Variants in RBFOX1 observed in about 807,000 individuals in gnomAD.
RBFOX1 encodes RNA binding protein fox-1 homolog 1.
RBFOX1 carries 8 observed loss-of-function variants against 57.7 expected under a neutral mutation model. The observed-to-expected ratio is 0.14, with a 90% CI of 0.08 to 0.25. RBFOX1 has a LOEUF of 0.25. Among genes scored for constraint, RBFOX1 ranks in the 10% least tolerant of loss-of-function variants. RBFOX1 has a pLI of 1.00. For synonymous variants in RBFOX1, 326 were observed against 222.4 expected, an observed-to-expected ratio of 1.47 and a Z score of -4.15; for missense variants, 611 against 548.5, an observed-to-expected ratio of 1.11 and a Z score of -1.14.
At chr16:7,231,125 C>A (rs980514704) in intron 4 of RBFOX1, among the ~76,000 whole-genome samples, 1 of 152,162 alleles carries the variant, frequency 6.6e-6, no homozygotes, top group African/African-American at 2.4e-5. Flanking sequence ...TTGTTTGGAT[C>A]AGATAGGTTT....
chr16:6,067,533 G>C (rs2095783224), intron 1 of RBFOX1, among the ~76,000 whole-genome samples: 1 of 152,142 alleles, frequency 6.6e-6, no homozygotes, highest in Non-Finnish European at 1.5e-5. Flanking sequence ...CTTAATATTA[G>C]GTAGAATATC....
chr16:6,674,040 A>G (rs1222998127), intron 3 of RBFOX1, among the ~76,000 whole-genome samples: 1 of 152,164 alleles, frequency 6.6e-6, no homozygotes, highest in Non-Finnish European at 1.5e-5. Flanking sequence ...ATCCTATTTT[A>G]GGATTACCCT....
At chr16:6,736,999 A>G (rs1157373039) in intron 3 of RBFOX1, among the ~76,000 whole-genome samples, 1 of 152,142 alleles carries the variant, frequency 6.6e-6, no homozygotes, top group Non-Finnish European at 1.5e-5. Flanking sequence ...TATCCCTGAC[A>G]CGGGAACCGT....
At chr16:5,452,671 TCTCA>T (rs2068463913) in intron 1 of RBFOX1, among the ~76,000 whole-genome samples, 1 of 150,634 alleles carries the variant, frequency 6.6e-6, no homozygotes, top group African/African-American at 2.4e-5. Context: ...TGAGACAGAG[TCTCA>T]CTCTGTCACC....
chr16:6,682,599 A>G (rs2058822149), intron 3 of RBFOX1, among the ~76,000 whole-genome samples: 1 of 152,052 alleles, frequency 6.6e-6, no homozygotes, highest in African/African-American at 2.4e-5. Context: ...GCTGAGCAGC[A>G]GTTCTGGCCT....
chr16:7,132,481 C>T (rs892543522), intron 4 of RBFOX1, among the ~76,000 whole-genome samples: 4 of 121,616 alleles, frequency 3.3e-5, no homozygotes, highest in Admixed American at 1.7e-4. Flanking sequence ...CACACACACA[C>T]AGTCACTTTA....
At chr16:6,619,715 T>C (rs1385563463) in intron 2 of RBFOX1, among the ~76,000 whole-genome samples, 1 of 150,282 alleles carries the variant, frequency 6.7e-6, no homozygotes, top group Non-Finnish European at 1.5e-5. Context: ...TTTTAATAAC[T>C]TTCATTTTAA....
At chr16:5,905,372 G>T (rs1161129137) in intron 4 of RBFOX1, among the ~76,000 whole-genome samples, 1 of 152,002 alleles carries the variant, frequency 6.6e-6, no homozygotes, top group Non-Finnish European at 1.5e-5. Context: ...TTTTTACAAG[G>T]AGAGATGATT....
At chr16:5,997,998 A>C (rs1025393488) in intron 4 of RBFOX1, among the ~76,000 whole-genome samples, 1 of 152,200 alleles carries the variant, frequency 6.6e-6, no homozygotes, top group African/African-American at 2.4e-5. Flanking sequence ...ATTGGAGTTA[A>C]GGATTTACCA....
At chr16:5,806,034 T>G (rs1421531058) in intron 3 of RBFOX1, among the ~76,000 whole-genome samples, 4 of 152,072 alleles carry the variant, frequency 2.6e-5, no homozygotes, top group Non-Finnish European at 2.9e-5. Flanking sequence ...ACATTCCCAT[T>G]GGGAGTGAGG....
chr16:6,503,269 C>G (rs1047952733), intron 2 of RBFOX1, among the ~76,000 whole-genome samples: 2 of 152,054 alleles, frequency 1.3e-5, no homozygotes, highest in African/African-American at 4.8e-5. Context: ...CTATACTTAT[C>G]TATGGGCAGT....
chr16:5,443,108 T>G (rs1166505221), intron 1 of RBFOX1, among the ~76,000 whole-genome samples: 1 of 152,144 alleles, frequency 6.6e-6, no homozygotes, highest in East Asian at 1.9e-4. Flanking sequence ...ACACCTTTAT[T>G]GTGGACTTCT....
chr16:7,530,338 G>C (rs1229998479), intron 5 of RBFOX1, among the ~76,000 whole-genome samples: 1 of 152,008 alleles, frequency 6.6e-6, no homozygotes, highest in Non-Finnish European at 1.5e-5. Flanking sequence ...CATACCCGGG[G>C]TTATCTCTGC....
At chr16:7,334,781 T>G (rs1448947573) in intron 4 of RBFOX1, among the ~76,000 whole-genome samples, 1 of 152,214 alleles carries the variant, frequency 6.6e-6, no homozygotes, top group East Asian at 1.9e-4. Flanking sequence ...GGGGAGGCCC[T>G]ATTTCTTCCT....
At chr16:7,067,477 T>C (rs2056349869) in intron 4 of RBFOX1, among the ~76,000 whole-genome samples, 1 of 151,762 alleles carries the variant, frequency 6.6e-6, no homozygotes, top group Admixed American at 6.6e-5. Flanking sequence ...CTGATTGCAG[T>C]CAGAGTCCAA....
chr16:7,216,992 C>T (rs1026160776), intron 4 of RBFOX1, among the ~76,000 whole-genome samples: 51 of 132,210 alleles, frequency 3.9e-4, no homozygotes, highest in African/African-American at 1.5e-3. Context: ...ATTTTCCTTC[C>T]TTCCTCCCTC....
intron 2 of RBFOX1, among the ~76,000 whole-genome samples, chr16:6,478,319 T>G (rs1158381312): frequency 2.2e-5 from 3 of 135,784 alleles, no homozygotes; most frequent in Admixed American, 7.6e-5. Flanking sequence ...GCCTCCCAGG[T>G]TCAAGCGATT....
At chr16:7,351,677 G>A (rs1324300866) in intron 4 of RBFOX1, among the ~76,000 whole-genome samples, 1 of 152,004 alleles carries the variant, frequency 6.6e-6, no homozygotes, top group Admixed American at 6.6e-5. Context: ...CGCTTCCTGG[G>A]TTTGCCTTAG....
intron 2 of RBFOX1, among the ~76,000 whole-genome samples, chr16:5,520,658 C>T (rs893937757): frequency 6.6e-6 from 1 of 152,210 alleles, no homozygotes; most frequent in Non-Finnish European, 1.5e-5. Context: ...TTTGCTCTCT[C>T]TTCTGAAAAG....
Sources: gnomAD v4.1 joint callset for allele counts (sites outside exome capture counted in the v4.1 genomes callset) on GRCh38, gnomAD v4.1.1 for gene constraint, MANE v1.5 for transcripts, NCBI Gene and HGNC (gene_info 2026-07-23, HGNC 2026-07-21) for gene names.